MYBPH: variants seen among roughly 807,000 people sequenced by gnomAD.
The protein encoded by MYBPH is myosin-binding protein H.
In MYBPH, 49 loss-of-function variants were observed where a neutral mutation model predicts 53.6. The observed-to-expected ratio is 0.91, with a 90% CI of 0.73 to 1.16. The LOEUF is 1.16. Among genes scored for constraint, MYBPH ranks in the 50% most tolerant of loss-of-function variants. The probability of loss-of-function intolerance (pLI) is 0.00; values close to 1 mark genes in which losing one functional copy is unlikely to be tolerated. For synonymous variants in MYBPH, 239 were observed against 249.6 expected (o/e 0.96, Z 0.40); for missense variants, 558 against 624.1 (o/e 0.89, Z 1.13).
chr1:203,168,687 G>A lies in MYBPH; in HGVS notation c.1418-12C>T, dbSNP rs1187275722. On this transcript the variant is annotated splice_polypyrimidine_tract_variant and intron_variant, in intron 9 of 10. Transcript: ENST00000255416. The stretch of plus-strand genomic sequence containing the variant: ...GTGTGCGGCTGAGGCTGGAAGAGAT[G>A]CTGCAGTTAGAGCTTGGGGGAAGTG... The A allele has an allele frequency of 1.1e-5, 18 of 1,571,406 alleles. No homozygotes were observed. The highest frequency in any genetic ancestry group is 1.6e-5 in the Non-Finnish European group (18 of 1,157,992).
At chr1:203,177,979 G>A (rs1024186502), upstream of MYBPH, among the ~76,000 whole-genome samples, 4 of 152,380 alleles carry the variant, frequency 2.6e-5, no homozygotes, top group South Asian at 8.3e-4. Context: ...TCAGATTTCA[G>A]ATATTTCCTC....
intron 3 of MYBPH, among the ~76,000 whole-genome samples, chr1:203,172,274 G>T (rs1655716105): frequency 6.6e-6 from 1 of 152,130 alleles, no homozygotes; most frequent in Non-Finnish European, 1.5e-5. Context: ...CCTCCATGGT[G>T]TGAACTGGTA....
Position 203,171,233 on chromosome 1 carries a change from T to G in MYBPH, c.794-33A>C, listed in dbSNP as rs767195524. 6.4e-7 allele frequency: 1 copy of G among 1,565,088 alleles called. No individual in the cohort carries two copies. Among genetic ancestry groups the G allele is most frequent in the Admixed American group, 1.8e-5 (1 of 54,580 alleles). On this transcript the variant is annotated intron_variant, in intron 5 of 10. Transcript: ENST00000255416. This position sits in a 1 kb window ranked among gnomAD's most constrained non-coding sequence, Gnocchi z 4.2. Reference sequence around the variant, plus strand: ...CCCAGAGTGTGAGAGGAAGTGAGTGTGAGGGCCAGGCTGGCCACAGAGCCC... The same window carrying G: ...CCCAGAGTGTGAGAGGAAGTGAGTGGGAGGGCCAGGCTGGCCACAGAGCCC...
chr1:203,168,539 C>T (rs1655628151), intron 10 of MYBPH, 88 bp downstream of exon 10: 2 of 1,353,720 alleles, frequency 1.5e-6, no homozygotes, highest in East Asian at 2.5e-5. Context: ...ACCACCTTCC[C>T]TTCTCACCCC....
At chr1:203,170,520 T>C (rs1372140909) in intron 6 of MYBPH, 70 bp from the exon 7 acceptor site, 123 of 1,554,954 alleles carry the variant, frequency 7.9e-5, no homozygotes, top group Non-Finnish European at 1.1e-4. Flanking sequence ...CCTGGAGACC[T>C]TTCCTCACAG....
chr1:203,173,050 C>T (rs1385931093), intron 3 of MYBPH, among the ~76,000 whole-genome samples: 2 of 152,212 alleles, frequency 1.3e-5, no homozygotes, highest in African/African-American at 4.8e-5. Context: ...ACAGGGCCCC[C>T]ACTCTGCCCT....
chr1:203,168,793 C>A, intron 9 of MYBPH, 113 bp downstream of exon 9: 2 of 1,585,780 alleles, frequency 1.3e-6, no homozygotes, highest in African/African-American at 1.3e-5. Flanking sequence ...TCAGCACAGC[C>A]TGACCCCAGT....
At chr1:203,177,112 C>G (rs1655826347), upstream of MYBPH, among the ~76,000 whole-genome samples, 1 of 152,236 alleles carries the variant, frequency 6.6e-6, no homozygotes, top group Admixed American at 6.5e-5. Flanking sequence ...TCTGTCTCAT[C>G]TACATTAAAT....
In MYBPH at chr1:203,175,394, C is replaced by T. The variant is rs1038508968; in HGVS notation, c.273G>A (p.Trp91Ter). 1 of 1,539,920 alleles carries T rather than the reference C, an allele frequency of 6.5e-7. No individual in the cohort carries two copies. The highest frequency in any genetic ancestry group is 1.4e-5 in the African/African-American group (1 of 72,530). The change falls in exon 2 of 11, where the codon TGG (tryptophan) becomes TGA (stop). Residue 91 changes from tryptophan (W) to a stop codon, truncating the protein, a stop_gained. Transcript: ENST00000255416. LOFTEE classifies it high-confidence loss of function. Reference sequence around the variant, plus strand: ...GCCTCCCCAGCCTCTCTGGGGGCTCCCAGCTCACAGTCACAGAGCTGCTGC... The same window carrying T: ...GCCTCCCCAGCCTCTCTGGGGGCTCTCAGCTCACAGTCACAGAGCTGCTGC... Reference protein sequence around the residue: ...DVSSSSVTVSWEPPERLGRLG... With the variant: ...DVSSSSVTVS
At position 203,174,576 on chromosome 1, in the gene MYBPH, C is replaced by G; in HGVS notation, c.362G>C (p.Ser121Thr). 2 of 1,606,048 alleles carry G rather than the reference C, an allele frequency of 1.2e-6. No individual in the cohort carries two copies. Among genetic ancestry groups the G allele is most frequent in the Non-Finnish European group, 1.7e-6 (2 of 1,173,556 alleles). The change falls in exon 3 of 11, where the codon AGT (serine) becomes ACT (threonine). Residue 121 changes from serine to threonine, a missense_variant. Transcript: ENST00000255416. The stretch of plus-strand genomic sequence containing the variant: ...CTGGGTCACCATCATGGGCCGGGCA[C>G]TCACAGGCACCCACTCCGAGGCTGA... ...REGASEWVPVSARPMMVTQQT... is the reference protein window; with the variant it reads ...REGASEWVPVTARPMMVTQQT...
At chr1:203,177,789 C>A (rs1028090386), upstream of MYBPH, among the ~76,000 whole-genome samples, 5 of 152,250 alleles carry the variant, frequency 3.3e-5, no homozygotes, top group Non-Finnish European at 5.9e-5. Flanking sequence ...TTCAAAGATG[C>A]CTGTGTGGTG....
chr1:203,177,839 C>T (rs1172429353), upstream of MYBPH, among the ~76,000 whole-genome samples: 1 of 152,244 alleles, frequency 6.6e-6, no homozygotes, highest in African/African-American at 2.4e-5. Context: ...CTTGGCCCCA[C>T]CAGCCAGAGG....
rs1425010531 is a variant in MYBPH at position 203,171,507 on chromosome 1, G to A, written c.669C>T (p.Arg223=). Residue 223 remains arginine (R), a synonymous_variant, in exon 5 of 11, where the codon CGC becomes CGT. Transcript: ENST00000255416. The surrounding 1 kb of genome is among the most constrained non-coding windows in gnomAD (Gnocchi z 4.2). ...AGAGGATGGAGTCCTGGTCCCCGGT[G>A]CGCATGCTCACCCGCTGGCTGTCCA... The part of the protein sequence containing the change: ...HALDSQRVSM[R]TGDQDSILFI... 6 of 1,613,852 alleles carry A rather than the reference G, an allele frequency of 3.7e-6. No homozygotes were observed. The South Asian group carries it at 6.6e-5, about 18-fold the overall frequency.
chr1:203,168,936 C>A lies in MYBPH; in HGVS notation c.1387G>T (p.Ala463Ser). The stretch of plus-strand genomic sequence containing the variant: ...ACCTCCAGCCGGCAGTCCACAGATG[C>A]CTCCCCCAGCACATTTATGGCCTTG... ...TCKAINVLGE[A>S]SVDCRLEVKA... The change falls in exon 9 of 11, where the codon GCA (alanine) becomes TCA (serine). Residue 463 changes from alanine (A) to serine (S), a missense_variant. Coordinates refer to ENST00000255416, the MANE Select transcript of MYBPH (RefSeq NM_004997.3). The A allele has an allele frequency of 1.2e-6, 2 of 1,614,068 alleles. No homozygotes were observed. The highest frequency in any genetic ancestry group is 1.7e-6 in the Non-Finnish European group (2 of 1,180,036).
At position 203,171,215 on chromosome 1, in the gene MYBPH, T is replaced by A. The variant is rs768309585; in HGVS notation, c.794-15A>T. The A allele has an allele frequency of 9.5e-6, 15 of 1,574,920 alleles. No individual in the cohort carries two copies. Among genetic ancestry groups the A allele is most frequent in the Admixed American group, 1.8e-5 (1 of 54,154 alleles). On this transcript the variant is annotated splice_polypyrimidine_tract_variant and intron_variant, in intron 5 of 10. Transcript: ENST00000255416. The surrounding 1 kb of genome is among the most constrained non-coding windows in gnomAD (Gnocchi z 4.2). ...TCCAGGTTTCTCTGTAGGCCCAGAG[T>A]GTGAGAGGAAGTGAGTGTGAGGGCC... is the stretch of plus-strand genomic sequence containing the variant.
At chr1:203,173,448 C>T (rs1244325398) in intron 3 of MYBPH, among the ~76,000 whole-genome samples, 2 of 152,230 alleles carry the variant, frequency 1.3e-5, no homozygotes, top group African/African-American at 4.8e-5. Context: ...GCATCAGACT[C>T]TGGGACTGCC....
At position 203,171,287 on chromosome 1, in the gene MYBPH, C is replaced by A. The variant is rs1240833143; in HGVS notation, c.794-87G>T. 6.5e-7 allele frequency: 1 copy of A among 1,543,086 alleles called. No individual in the cohort carries two copies. The highest frequency in any genetic ancestry group is 1.4e-5 in the African/African-American group (1 of 72,916). ...CACCCAAAATTTGGCTCTTGCCACA[C>A]TCCCTTGGCCTGCTCCCATCAGCCA... On this transcript the variant is annotated intron_variant, in intron 5 of 10. Coordinates refer to ENST00000255416, the MANE Select transcript of MYBPH (RefSeq NM_004997.3). This position sits in a 1 kb window ranked among gnomAD's most constrained non-coding sequence, Gnocchi z 4.2.
At chr1:203,178,011 C>A (rs903358), upstream of MYBPH, among the ~76,000 whole-genome samples, 134,555 of 152,292 alleles carry the variant, frequency 0.88, 59,839 homozygotes, top group Non-Finnish European at 0.94. Flanking sequence ...TTCAAACCGG[C>A]GTCACAAACC....
rs779487877 is a variant in MYBPH at position 203,171,531 on chromosome 1, C to T, written c.645G>A (p.Leu215=). 1 of 1,613,652 alleles carries T rather than the reference C, an allele frequency of 6.2e-7. No individual in the cohort carries two copies. Among genetic ancestry groups the T allele is most frequent in the South Asian group, 1.1e-5 (1 of 91,054 alleles). The change falls in exon 5 of 11, where the codon CTG becomes CTA. Residue 215 remains leucine (L), a synonymous_variant. Coordinates refer to ENST00000255416, the MANE Select transcript of MYBPH (RefSeq NM_004997.3). The surrounding 1 kb of genome is among the most constrained non-coding windows in gnomAD (Gnocchi z 4.2). ...TGCGCATGCTCACCCGCTGGCTGTC[C>T]AGGGCATGGCCGTTGTGGGTCCATG... ...QATWTHNGHA[L]DSQRVSMRTG...
Sources: gnomAD v4.1 joint callset for allele counts (sites outside exome capture counted in the v4.1 genomes callset) on GRCh38, gnomAD v4.1.1 for gene constraint, Gnocchi (gnomAD v3.1) non-coding constraint, MANE v1.5 for transcripts, NCBI Gene and HGNC (gene_info 2026-07-23, HGNC 2026-07-21) for gene names.